The following EPHA7 variants were observed in gnomAD, a reference collection of about 807,000 sequenced individuals.
EPHA7 encodes the protein EPH receptor A7.
Under a neutral mutation model 112.6 loss-of-function variants are expected in EPHA7, and 25 were observed. The observed-to-expected ratio is 0.22, with a 90% CI of 0.16 to 0.31. The LOEUF (loss-of-function observed/expected upper bound fraction) is 0.31. Ranked by LOEUF, EPHA7 falls within the 10% of genes least tolerant of loss-of-function variation. The probability of loss-of-function intolerance (pLI) is 1.00; values close to 1 mark genes in which losing one functional copy is unlikely to be tolerated. For synonymous variants in EPHA7, 437 were observed against 406.5 expected (o/e 1.07, Z -0.90); for missense variants, 962 against 1,212.6 (o/e 0.79, Z 3.07).
At chr6:93,394,817 G>A (rs1025652968) in intron 3 of EPHA7, among the ~76,000 whole-genome samples, 4 of 151,650 alleles carry the variant, frequency 2.6e-5, no homozygotes, top group African/African-American at 7.2e-5. Flanking sequence ...ATTACCTTCC[G>A]TGAAACTCAG....
chr6:93,351,478 A>G (rs1775691168), intron 5 of EPHA7, among the ~76,000 whole-genome samples: 2 of 152,050 alleles, frequency 1.3e-5, no homozygotes, highest in Non-Finnish European at 2.9e-5. Context: ...TTTTCATCCT[A>G]ATTCCTTCCA....
chr6:93,306,159 TG>T (rs1438842129), intron 5 of EPHA7, among the ~76,000 whole-genome samples: 1 of 151,992 alleles, frequency 6.6e-6, no homozygotes, highest in Non-Finnish European at 1.5e-5. Context: ...TGCAGAATTT[TG>T]TAAGTGGCCT....
intron 7 of EPHA7, among the ~76,000 whole-genome samples, chr6:93,267,993 A>C (rs1441226218): frequency 6.6e-6 from 1 of 151,728 alleles, no homozygotes; most frequent in Non-Finnish European, 1.5e-5. Context: ...ATTATGATAT[A>C]GATCTGAGTT....
chr6:93,245,569 C>T lies in EPHA7; in HGVS notation c.2727-116G>A, dbSNP rs567859207. ...AAAATTAGATGTTTTAATTGGTGTACATAATAAAAAATACATCGATATGCT... is the reference window on the plus strand; with the variant it reads ...AAAATTAGATGTTTTAATTGGTGTATATAATAAAAAATACATCGATATGCT... On this transcript the variant is annotated intron_variant, in intron 15 of 16. Transcript: ENST00000369303. 2.7e-5 allele frequency: 28 copies of T among 1,035,340 alleles called. No homozygotes were observed. In the African/African-American group the frequency reaches 4.4e-4, roughly 16 times the overall value. 64.1% of individuals were successfully genotyped at this position (1,035,340 alleles called of 1,614,324 possible). A position where few individuals can be genotyped will look rare whatever the true frequency, so the allele number is the denominator to read the frequency against.
rs541794336 is a variant in EPHA7, at chr6:93,333,046, C to T, written c.1324+23671G>A. ...TCCTCTCCCTCCTCCAAAACTCCAC[C>T]CTCAAGTAGCCCTGATATCTGTCAT... On this transcript the variant is annotated intron_variant, in intron 5 of 16. Coordinates refer to ENST00000369303, the MANE Select transcript of EPHA7 (RefSeq NM_004440.4). Among the ~76,000 whole-genome samples, 5 of 151,788 alleles carry T rather than the reference C, an allele frequency of 3.3e-5. No homozygotes were observed. In the East Asian group the frequency reaches 9.7e-4, roughly 29 times the overall value.
chr6:93,334,946 C>T (rs1335906965), intron 5 of EPHA7, among the ~76,000 whole-genome samples: 2 of 151,936 alleles, frequency 1.3e-5, no homozygotes, highest in African/African-American at 4.8e-5. Flanking sequence ...AGAAATAGGA[C>T]AACACAAGTG....
intron 5 of EPHA7, among the ~76,000 whole-genome samples, chr6:93,328,457 T>A (rs2127897374): frequency 6.6e-6 from 1 of 151,234 alleles, no homozygotes; most frequent in South Asian, 2.1e-4. Context: ...TATATGAGAG[T>A]TTTAAGGGAA....
chr6:93,360,291 GT>G (rs3839559), intron 3 of EPHA7, among the ~76,000 whole-genome samples: 86,818 of 151,710 alleles, frequency 0.57, 25,013 homozygotes, highest in East Asian at 0.64. Flanking sequence ...AATATTCATT[GT>G]ATCTTGCTTT....
chr6:93,336,690 C>A (rs1028957366), intron 5 of EPHA7, among the ~76,000 whole-genome samples: 23 of 151,962 alleles, frequency 1.5e-4, no homozygotes, highest in Non-Finnish European at 4.4e-5. Flanking sequence ...CATGAGCCAC[C>A]CTGCCCAGCT....
intron 5 of EPHA7, among the ~76,000 whole-genome samples, chr6:93,321,226 C>A (rs1349765174): frequency 6.6e-6 from 1 of 151,908 alleles, no homozygotes; most frequent in East Asian, 1.9e-4. Context: ...ATCAAAACTT[C>A]CTGAGTGTGG....
chr6:93,269,647 C>A lies in EPHA7; in HGVS notation c.1463G>T (p.Arg488Leu). ...CTTGGTTTTTACTGTTGAGTAGGTC[C>A]GTTCCCTTTGATCCTAGAAACAATA... Reference protein sequence around the residue: ...IKYYEKDQRERTYSTVKTKST... With the variant: ...IKYYEKDQRELTYSTVKTKST... The change falls in exon 7 of 17, where the codon CGG becomes CTG. Residue 488 changes from arginine (R) to leucine (L), a missense_variant. By Grantham distance (102) the Arg-to-Leu change is moderately radical. Coordinates refer to ENST00000369303, the MANE Select transcript of EPHA7 (RefSeq NM_004440.4). The A allele has an allele frequency of 1.9e-6, 3 of 1,540,982 alleles. No homozygotes were observed. Among genetic ancestry groups the A allele is most frequent in the Non-Finnish European group, 2.6e-6 (3 of 1,149,242 alleles).
chr6:93,319,470 A>T (rs164300), intron 5 of EPHA7, among the ~76,000 whole-genome samples: 105,527 of 151,936 alleles, frequency 0.69, 36,816 homozygotes, highest in African/African-American at 0.77. Flanking sequence ...ATGAGGGGGT[A>T]AGTGGTAAGA....
At chr6:93,418,170 G>T (rs1779339288) in intron 1 of EPHA7, among the ~76,000 whole-genome samples, 1 of 148,044 alleles carries the variant, frequency 6.8e-6, no homozygotes, top group Non-Finnish European at 1.5e-5. Context: ...GGGGCGACGG[G>T]ATGAGGGGGG....
chr6:93,309,741 G>C lies in EPHA7; in HGVS notation c.1325-37319C>G, dbSNP rs1773436472. Among the ~76,000 whole-genome samples the C allele has an allele frequency of 2.6e-5, 4 of 152,072 alleles. No individual in the cohort carries two copies. In the South Asian group the frequency reaches 6.3e-4, roughly 24 times the overall value. On this transcript the variant is annotated intron_variant, in intron 5 of 16. Coordinates refer to ENST00000369303, the MANE Select transcript of EPHA7 (RefSeq NM_004440.4). The stretch of plus-strand genomic sequence containing the variant: ...CATTCTATACTTAAGATCAACATAT[G>C]TGAAGAACAAAATGAATATTCACAG...
intron 9 of EPHA7, among the ~76,000 whole-genome samples, chr6:93,262,315 A>G (rs933123236): frequency 6.6e-6 from 1 of 151,494 alleles, no homozygotes; most frequent in Non-Finnish European, 1.5e-5. Context: ...GGCTTGTCGC[A>G]GGAAAATTAA....
At chr6:93,382,928 C>T (rs927845639) in intron 3 of EPHA7, among the ~76,000 whole-genome samples, 7 of 152,164 alleles carry the variant, frequency 4.6e-5, no homozygotes, top group African/African-American at 1.7e-4. Flanking sequence ...TTCTGAATGA[C>T]CAAGGAGATT....
intron 3 of EPHA7, among the ~76,000 whole-genome samples, chr6:93,389,109 A>AT (rs1226306704): frequency 1.3e-5 from 2 of 152,092 alleles, no homozygotes; most frequent in Admixed American, 1.3e-4. Context: ...AATCAATAAG[A>AT]TTTCTGTATC....
At chr6:93,253,767 G>T (rs1468659024) in intron 14 of EPHA7, among the ~76,000 whole-genome samples, 7 of 152,022 alleles carry the variant, frequency 4.6e-5, no homozygotes, top group African/African-American at 1.4e-4. Context: ...CTGAACCAAG[G>T]TATCCACCAG....
intron 5 of EPHA7, among the ~76,000 whole-genome samples, chr6:93,341,174 T>C (rs1441412207): frequency 6.6e-6 from 1 of 152,002 alleles, no homozygotes; most frequent in Non-Finnish European, 1.5e-5. Context: ...TAGGTCACTT[T>C]CAAACAGACA....
Sources: allele counts gnomAD v4.1 joint callset (sites outside exome capture counted in the v4.1 genomes callset), GRCh38; gene constraint gnomAD v4.1.1; transcripts MANE v1.5; gene names NCBI Gene and HGNC (gene_info 2026-07-23, HGNC 2026-07-21).